The following LPP variants were observed in gnomAD, a reference collection of about 807,000 sequenced individuals.
LPP encodes the protein lipoma-preferred partner.
A neutral mutation model predicts 60.4 loss-of-function variants in LPP; 38 were observed. That is an observed-to-expected ratio of 0.63 (90% CI 0.49 to 0.83). LPP has a LOEUF of 0.83. Among genes scored for constraint, LPP ranks in the 40% least tolerant of loss-of-function variants. The pLI, the probability that LPP is intolerant of heterozygous loss-of-function variation, is 0.00. For missense variants in LPP, 902 were observed against 783.6 expected (o/e 1.15, Z -1.80); for synonymous variants, 328 against 290.8 (o/e 1.13, Z -1.30).
At chr3:188,728,814 C>T (rs1253997319) in intron 8 of LPP, among the ~76,000 whole-genome samples, 1 of 151,644 alleles carries the variant, frequency 6.6e-6, no homozygotes, top group Non-Finnish European at 1.5e-5. Context: ...TTATGCAGAG[C>T]CTATGATATG....
chr3:188,698,813 A>G (rs1051790406), intron 7 of LPP, among the ~76,000 whole-genome samples: 2 of 152,232 alleles, frequency 1.3e-5, no homozygotes, highest in African/African-American at 2.4e-5. Context: ...AGAGGCAGCA[A>G]GGCATACGTT....
rs1317885757 is a variant in LPP, at chr3:188,874,644, C to T, written c.*165C>T. The stretch of plus-strand genomic sequence containing the variant: ...ATGAGATTTTTTTTAAAAGTTGTTA[C>T]CAAATACACATTTCACATTGAATCA... On this transcript the variant is annotated 3_prime_UTR_variant, in exon 12 of 12. Transcript: ENST00000617246. 2.7e-6 allele frequency: 2 copies of T among 743,302 alleles called. No individual in the cohort carries two copies. The highest frequency in any genetic ancestry group is 4.2e-6 in the Non-Finnish European group (2 of 480,862). The allele number at this position is 743,302 out of a possible 1,614,324, so 46.0% of individuals were successfully genotyped here. A position where few individuals can be genotyped will look rare whatever the true frequency, so the allele number is the denominator to read the frequency against.
At chr3:188,378,659 C>G (rs1046844518) in intron 3 of LPP, among the ~76,000 whole-genome samples, 1 of 152,160 alleles carries the variant, frequency 6.6e-6, no homozygotes, top group African/African-American at 2.4e-5. Context: ...CCTTGCAATT[C>G]CTGGGTGAGG....
At chr3:188,532,573 C>G (rs1054815027) in intron 6 of LPP, among the ~76,000 whole-genome samples, 1 of 152,174 alleles carries the variant, frequency 6.6e-6, no homozygotes, top group Non-Finnish European at 1.5e-5. Context: ...TTGATAGCCT[C>G]GTCTCCAAGT....
chr3:188,240,649 A>G (rs568924648), intron 2 of LPP, among the ~76,000 whole-genome samples: 3 of 152,194 alleles, frequency 2.0e-5, no homozygotes, highest in East Asian at 1.9e-4. Flanking sequence ...AAAAAGCGTA[A>G]TCATAACTAT....
intron 1 of LPP, among the ~76,000 whole-genome samples, chr3:188,196,529 A>G (rs1403975699): frequency 6.6e-6 from 1 of 152,132 alleles, no homozygotes; most frequent in African/African-American, 2.4e-5. Context: ...GGCCCTCAGC[A>G]TCTCTCTCCT....
chr3:188,362,723 G>C (rs1217519343), intron 3 of LPP, among the ~76,000 whole-genome samples: 1 of 152,220 alleles, frequency 6.6e-6, no homozygotes, highest in Non-Finnish European at 1.5e-5. Context: ...TTGTGGCCGA[G>C]TAGAGATAAG....
chr3:188,841,916 G>C (rs1274627181), intron 9 of LPP, among the ~76,000 whole-genome samples: 1 of 152,184 alleles, frequency 6.6e-6, no homozygotes, highest in Non-Finnish European at 1.5e-5. Flanking sequence ...CTTTGCTGAA[G>C]TTACCCACCA....
chr3:188,549,087 C>A (rs932818984), intron 6 of LPP, among the ~76,000 whole-genome samples: 3 of 152,092 alleles, frequency 2.0e-5, no homozygotes, highest in Non-Finnish European at 4.4e-5. Flanking sequence ...CTGATTTGAT[C>A]AATATACATT....
intron 7 of LPP, among the ~76,000 whole-genome samples, chr3:188,636,088 G>A (rs1848675487): frequency 6.6e-6 from 1 of 152,226 alleles, no homozygotes; most frequent in African/African-American, 2.4e-5. Context: ...CCGGTCTACA[G>A]CTCCCAGCCT....
intron 6 of LPP, among the ~76,000 whole-genome samples, chr3:188,578,725 T>C (rs547536711): frequency 1.3e-5 from 2 of 152,060 alleles, no homozygotes; most frequent in South Asian, 2.1e-4. Flanking sequence ...TAGTTCCTCA[T>C]CCGTCCGACC....
intron 7 of LPP, among the ~76,000 whole-genome samples, chr3:188,684,565 T>A (rs545088606): frequency 6.6e-6 from 1 of 152,198 alleles, no homozygotes; most frequent in Non-Finnish European, 1.5e-5. Context: ...CCAGGTCTTA[T>A]GTCAAAACTT....
rs542213743 is a variant in LPP at position 188,154,187 on chromosome 3, A to AGCCGCC, written c.-233_-228dup. 1,827 of 212,100 alleles carry AGCCGCC rather than the reference A, an allele frequency of 8.6e-3. 87 individuals are homozygous for AGCCGCC. Among genetic ancestry groups the AGCCGCC allele is most frequent in the African/African-American group, 8.7e-3 (361 of 41,588 alleles). 13.1% of individuals were successfully genotyped at this position (212,100 alleles called of 1,614,324 possible). On this transcript the variant is annotated 5_prime_UTR_variant, in exon 1 of 12. Coordinates refer to ENST00000617246, the MANE Select transcript of LPP (RefSeq NM_001375462.1). ...CTCCTCTGCCTCTGCCTCCGCCTCC[A>AGCCGCC]GCCGCCGCCGCCGCCGCCGCCGCCG... is the stretch of plus-strand genomic sequence containing the variant.
chr3:188,194,469 T>C (rs1378834900), intron 1 of LPP, among the ~76,000 whole-genome samples: 3 of 152,144 alleles, frequency 2.0e-5, no homozygotes, highest in Non-Finnish European at 4.4e-5. Context: ...CCAGGCTCAC[T>C]CCGTCCTGCC....
intron 2 of LPP, among the ~76,000 whole-genome samples, chr3:188,334,534 G>T (rs1428607187): frequency 1.4e-5 from 2 of 147,932 alleles, no homozygotes; most frequent in African/African-American, 2.5e-5. Flanking sequence ...GGGTTCAAGC[G>T]TTTCTCCTGC....
At chr3:188,548,524 G>A (rs1029258669) in intron 6 of LPP, among the ~76,000 whole-genome samples, 8 of 152,118 alleles carry the variant, frequency 5.3e-5, no homozygotes, top group Non-Finnish European at 8.8e-5. Context: ...CAGCACTTCA[G>A]GTGCTTACTC....
intron 2 of LPP, among the ~76,000 whole-genome samples, chr3:188,327,167 TC>T (rs1758656996): frequency 6.6e-6 from 1 of 152,200 alleles, no homozygotes; most frequent in Non-Finnish European, 1.5e-5. Context: ...GACTGATTCT[TC>T]TGCTCTTGAG....
At chr3:188,266,709 T>C (rs1402031780) in intron 2 of LPP, among the ~76,000 whole-genome samples, 11 of 152,204 alleles carry the variant, frequency 7.2e-5, no homozygotes, top group Non-Finnish European at 1.5e-4. Flanking sequence ...CGGGTTTATG[T>C]CTGTTCTAAA....
At chr3:188,661,048 A>C (rs1854473032) in intron 7 of LPP, among the ~76,000 whole-genome samples, 1 of 152,040 alleles carries the variant, frequency 6.6e-6, no homozygotes. Flanking sequence ...TACTGGCTTC[A>C]TAGTTTTGCC....
Sources: gnomAD v4.1 joint callset for allele counts (sites outside exome capture counted in the v4.1 genomes callset) on GRCh38, gnomAD v4.1.1 for gene constraint, MANE v1.5 for transcripts, NCBI Gene and HGNC (gene_info 2026-07-23, HGNC 2026-07-21) for gene names.